The following CDH18 variants were observed in gnomAD, a reference collection of about 807,000 sequenced individuals.
CDH18 encodes cadherin-18.
Under a neutral mutation model 67.9 loss-of-function variants are expected in CDH18, and 31 were observed. The observed-to-expected ratio is 0.46, with a 90% CI of 0.34 to 0.62. The LOEUF is 0.62. Among genes scored for constraint, CDH18 ranks in the 20% least tolerant of loss-of-function variants. The pLI, the probability that CDH18 is intolerant of heterozygous loss-of-function variation, is 0.01. For synonymous variants in CDH18, 362 were observed against 347.2 expected (o/e 1.04, Z -0.48); for missense variants, 890 against 975.5 (o/e 0.91, Z 1.17).
chr5:20,411,881 A>G (rs1204248554), intron 1 of CDH18, among the ~76,000 whole-genome samples: 2 of 152,172 alleles, frequency 1.3e-5, no homozygotes, highest in African/African-American at 4.8e-5. Flanking sequence ...AAAAAATCAT[A>G]GAAGACATAA....
At chr5:19,990,456 G>C (rs1310857247), upstream of CDH18, among the ~76,000 whole-genome samples, 1 of 152,208 alleles carries the variant, frequency 6.6e-6, no homozygotes, top group Non-Finnish European at 1.5e-5. Flanking sequence ...CCAGTGGACA[G>C]TCATAATGGA....
chr5:20,254,484 A>G (rs938067567), intron 2 of CDH18, among the ~76,000 whole-genome samples: 1 of 152,212 alleles, frequency 6.6e-6, no homozygotes, highest in African/African-American at 2.4e-5. Context: ...TCATAGGTGC[A>G]GAAGAAATAA....
At chr5:19,992,733 G>A (rs77784499), upstream of CDH18, among the ~76,000 whole-genome samples, 1,750 of 149,816 alleles carry the variant, frequency 0.012, 42 homozygotes, top group African/African-American at 0.042. Context: ...TTTCTATTCC[G>A]GACATGCAAG....
At chr5:20,113,141 A>T (rs912232417) in intron 2 of CDH18, among the ~76,000 whole-genome samples, 1 of 152,242 alleles carries the variant, frequency 6.6e-6, no homozygotes, top group African/African-American at 2.4e-5. Context: ...AGTAAATTGT[A>T]GTATTTTTAA....
chr5:20,504,158 T>G (rs1357825301), intron 1 of CDH18, among the ~76,000 whole-genome samples: 1 of 152,128 alleles, frequency 6.6e-6, no homozygotes, highest in Non-Finnish European at 1.5e-5. Flanking sequence ...ATATATAATA[T>G]GATTATTTTA....
intron 3 of CDH18, among the ~76,000 whole-genome samples, chr5:19,782,357 C>T (rs952516383): frequency 6.6e-6 from 1 of 152,088 alleles, no homozygotes; most frequent in Non-Finnish European, 1.5e-5. Flanking sequence ...ACTACCTCCA[C>T]CTGGTTCCGC....
At chr5:20,052,325 T>C (rs1425140385) in intron 2 of CDH18, among the ~76,000 whole-genome samples, 1 of 152,076 alleles carries the variant, frequency 6.6e-6, no homozygotes, top group Non-Finnish European at 1.5e-5. Flanking sequence ...TCTTTGCTAG[T>C]CAGACTTAAT....
chr5:20,102,375 T>C (rs1387316709), intron 2 of CDH18, among the ~76,000 whole-genome samples: 3 of 152,124 alleles, frequency 2.0e-5, no homozygotes, highest in Admixed American at 6.6e-5. Context: ...GGCTTCTTCA[T>C]TGATTTCTAA....
chr5:20,470,809 A>G (rs1432672081), intron 1 of CDH18, among the ~76,000 whole-genome samples: 1 of 152,218 alleles, frequency 6.6e-6, no homozygotes, highest in Admixed American at 6.5e-5. Flanking sequence ...CCCCGGACTT[A>G]GCACTGTATG....
intron 2 of CDH18, among the ~76,000 whole-genome samples, chr5:20,183,444 T>C (rs1015522524): frequency 9.9e-5 from 15 of 152,052 alleles, no homozygotes; most frequent in Admixed American, 7.2e-4. Flanking sequence ...TATATGTATA[T>C]TTTCTCTTAC....
intron 2 of CDH18, among the ~76,000 whole-genome samples, chr5:20,187,609 C>T (rs567872744): frequency 8.6e-5 from 13 of 151,822 alleles, no homozygotes; most frequent in Middle Eastern, 3.4e-3. Context: ...ATTTTTAAAG[C>T]GATACAAGAA....
intron 2 of CDH18, among the ~76,000 whole-genome samples, chr5:19,935,461 G>C (rs1794134535): frequency 6.6e-6 from 1 of 151,006 alleles, no homozygotes; most frequent in African/African-American, 2.4e-5. Context: ...GATACTTCTG[G>C]ATACACCAAT....
At chr5:20,060,900 C>A in intron 2 of CDH18, among the ~76,000 whole-genome samples, 1 of 151,080 alleles carries the variant, frequency 6.6e-6, no homozygotes, top group South Asian at 2.1e-4. Context: ...ATGATTGACA[C>A]AAATGATATT....
At chr5:19,683,700 T>C (rs1224904486) in intron 5 of CDH18, among the ~76,000 whole-genome samples, 3 of 152,128 alleles carry the variant, frequency 2.0e-5, no homozygotes, top group African/African-American at 7.2e-5. Context: ...AACTTTGAAT[T>C]CATCTGGCTT....
chr5:19,649,990 A>ATT (rs1240848222), intron 5 of CDH18, among the ~76,000 whole-genome samples: 1 of 151,988 alleles, frequency 6.6e-6, no homozygotes, highest in Non-Finnish European at 1.5e-5. Context: ...ATGATTGACA[A>ATT]CTGGTACTGA....
At chr5:19,590,688 G>A (rs947237296) in intron 7 of CDH18, among the ~76,000 whole-genome samples, 1 of 152,050 alleles carries the variant, frequency 6.6e-6, no homozygotes, top group African/African-American at 2.4e-5. Context: ...GGCTATAACA[G>A]AATCACCACA....
chr5:20,463,366 G>A (rs557485753), intron 1 of CDH18, among the ~76,000 whole-genome samples: 10 of 152,038 alleles, frequency 6.6e-5, no homozygotes, highest in Non-Finnish European at 1.2e-4. Context: ...AAAGTATGGT[G>A]TATTACTCTG....
At chr5:19,994,788 GAGAGAT>G (rs1735828246) in intron 2 of CDH18, among the ~76,000 whole-genome samples, 3 of 65,600 alleles carry the variant, frequency 4.6e-5, no homozygotes, top group Non-Finnish European at 8.6e-5. Flanking sequence ...GAGAGAGAGA[GAGAGAT>G]GTACATGTGT....
intron 2 of CDH18, among the ~76,000 whole-genome samples, chr5:20,081,632 T>C (rs1282309305): frequency 6.6e-6 from 1 of 152,180 alleles, no homozygotes; most frequent in Admixed American, 6.6e-5. Context: ...AAGAATATTA[T>C]GTCTTTTGCA....
Sources: gnomAD v4.1 joint callset for allele counts (sites outside exome capture counted in the v4.1 genomes callset) on GRCh38, gnomAD v4.1.1 for gene constraint, MANE v1.5 for transcripts, NCBI Gene and HGNC (gene_info 2026-07-23, HGNC 2026-07-21) for gene names.